DDI2: variants seen among roughly 807,000 people sequenced by gnomAD.
DDI2 encodes the protein protein DDI1 homolog 2.
Under a neutral mutation model 48.1 loss-of-function variants are expected in DDI2, and 5 were observed. The ratio of observed to expected loss-of-function variants is 0.10; its 90% CI spans 0.05 to 0.22. The LOEUF is 0.22. Among genes scored for constraint, DDI2 ranks in the 10% least tolerant of loss-of-function variants. The pLI, the probability that DDI2 is intolerant of heterozygous loss-of-function variation, is 1.00. For missense variants in DDI2, 285 were observed against 506.2 expected, an observed-to-expected ratio of 0.56 and a Z score of 4.19; for synonymous variants, 205 against 183.6, an observed-to-expected ratio of 1.12 and a Z score of -0.94.
chr1:15,626,930 C>T (rs1432808209), intron 2 of DDI2, 132 bp downstream of exon 2: 16 of 1,148,850 alleles, frequency 1.4e-5, no homozygotes, highest in Non-Finnish European at 1.8e-5. Context: ...TTTTCCCTGC[C>T]GTGTAACCTT....
At position 15,665,399 on chromosome 1, in the gene DDI2, C is replaced by T. The variant is rs563859279; in HGVS notation, c.*5609C>T. On this transcript the variant is annotated 3_prime_UTR_variant, in exon 10 of 10. Coordinates refer to ENST00000480945, the MANE Select transcript of DDI2 (RefSeq NM_032341.5). ...TGTCTTCATATGTACTAAAGGGAGA[C>T]ACAACCCTATGTGTTTTTTCCCAAA... The T allele has an allele frequency of 5.9e-5, 9 of 152,206 alleles. No individual in the cohort carries two copies. Among genetic ancestry groups the T allele is most frequent in the Admixed American group, 5.2e-4 (8 of 15,290 alleles). 9.4% of individuals were successfully genotyped at this position (152,206 alleles called of 1,614,324 possible). A position where few individuals can be genotyped will look rare whatever the true frequency, so the allele number is the denominator to read the frequency against.
At chr1:15,643,255 G>A (rs11809959) in intron 5 of DDI2, among the ~76,000 whole-genome samples, 2,361 of 152,292 alleles carry the variant, frequency 0.016, 59 homozygotes, top group African/African-American at 0.055. Context: ...CTTTCTACTG[G>A]TAAAGTCTTA....
At chr1:15,624,068 A>G (rs1458888175) in intron 1 of DDI2, among the ~76,000 whole-genome samples, 2 of 152,162 alleles carry the variant, frequency 1.3e-5, no homozygotes, top group Non-Finnish European at 2.9e-5. Flanking sequence ...AAATAAATAA[A>G]TAAATACCGT....
rs1571000479 is a variant in DDI2 at position 15,668,451 on chromosome 1, AT to A, written c.*8667del. ...AAATTCAATATATTGATTGAATTTT[AT>A]TTTTTCGCTTTGTATCTACAACAGA... On this transcript the variant is annotated 3_prime_UTR_variant, in exon 10 of 10. Transcript: ENST00000480945. The A allele has an allele frequency of 6.6e-6, 1 of 152,086 alleles. No homozygotes were observed. The highest frequency in any genetic ancestry group is 2.4e-5 in the African/African-American group (1 of 41,390). 9.4% of individuals were successfully genotyped at this position (152,086 alleles called of 1,614,324 possible). A position where few individuals can be genotyped will look rare whatever the true frequency, so the allele number is the denominator to read the frequency against.
chr1:15,619,643 A>G (rs1264809373), intron 1 of DDI2, among the ~76,000 whole-genome samples: 1 of 148,840 alleles, frequency 6.7e-6, no homozygotes, highest in East Asian at 2.0e-4. Flanking sequence ...TTGTATTTTT[A>G]GTAGAGAAGG....
Position 15,630,308 on chromosome 1 carries a change from T to C in DDI2, c.269-17T>C, listed in dbSNP as rs758544170. 3.7e-5 allele frequency: 60 copies of C among 1,612,506 alleles called. No homozygotes were observed. Among genetic ancestry groups the C allele is most frequent in the Middle Eastern group, 1.7e-4 (1 of 6,054 alleles). ...TGTAGAGTAATTTGAGTAAACTGAA[T>C]TGATTTTCCCCAACAGACTTACCCC... On this transcript the variant is annotated splice_polypyrimidine_tract_variant and intron_variant, in intron 2 of 9. Transcript: ENST00000480945.
intron 1 of DDI2, among the ~76,000 whole-genome samples, chr1:15,621,453 C>G (rs1421365383): frequency 6.6e-6 from 1 of 152,048 alleles, no homozygotes; most frequent in Non-Finnish European, 1.5e-5. Flanking sequence ...AGTGCGCTCA[C>G]AGGTCACTGT....
chr1:15,660,755 C>T lies in DDI2; in HGVS notation c.*965C>T, dbSNP rs1484150061. The T allele has an allele frequency of 6.2e-6, 10 of 1,613,638 alleles. No individual in the cohort carries two copies. The highest frequency in any genetic ancestry group is 7.6e-6 in the Non-Finnish European group (9 of 1,179,930). Reference sequence around the variant, plus strand: ...GAAGTAGAAACATCAAAATGTAACCCTTCATCTGAAATTTTGAATGATTCC... The same window carrying T: ...GAAGTAGAAACATCAAAATGTAACCTTTCATCTGAAATTTTGAATGATTCC... On this transcript the variant is annotated 3_prime_UTR_variant, in exon 10 of 10. Transcript: ENST00000480945.
chr1:15,628,300 T>C (rs1306050226), intron 2 of DDI2, among the ~76,000 whole-genome samples: 1 of 152,192 alleles, frequency 6.6e-6, no homozygotes, highest in Non-Finnish European at 1.5e-5. Context: ...TCCTCTTCAC[T>C]TCACCATTTC....
chr1:15,635,524 G>T (rs930358436), intron 4 of DDI2, among the ~76,000 whole-genome samples: 2 of 152,134 alleles, frequency 1.3e-5, no homozygotes, highest in African/African-American at 4.8e-5. Context: ...TCCTGCCTCA[G>T]CCTTCTGAGT....
chr1:15,667,588 A>G lies in DDI2; in HGVS notation c.*7798A>G, dbSNP rs1039764133. 6.6e-6 allele frequency: 1 copy of G among 152,276 alleles called. No homozygotes were observed. Among genetic ancestry groups the G allele is most frequent in the East Asian group, 1.9e-4 (1 of 5,206 alleles). 9.4% of individuals were successfully genotyped at this position (152,276 alleles called of 1,614,324 possible). ...TGAAAACGGGAATCTAGAGCAGAACATGTAATCAGCGATGGCTGGGATTGG... is the reference window on the plus strand; with the variant it reads ...TGAAAACGGGAATCTAGAGCAGAACGTGTAATCAGCGATGGCTGGGATTGG... On this transcript the variant is annotated 3_prime_UTR_variant, in exon 10 of 10. Transcript: ENST00000480945.
At chr1:15,629,246 A>G (rs1014676025) in intron 2 of DDI2, among the ~76,000 whole-genome samples, 1 of 152,208 alleles carries the variant, frequency 6.6e-6, no homozygotes, top group Admixed American at 6.5e-5. Flanking sequence ...TACGTTTAGC[A>G]CTGACTTGCA....
chr1:15,656,014 T>G (rs1163804070), intron 8 of DDI2, among the ~76,000 whole-genome samples: 3 of 152,142 alleles, frequency 2.0e-5, no homozygotes, highest in Non-Finnish European at 4.4e-5. Flanking sequence ...AAAAACATGT[T>G]TTTGATAGTA....
chr1:15,617,632 G>A lies in DDI2; in HGVS notation c.-39G>A. 4 of 1,330,526 alleles carry A rather than the reference G, an allele frequency of 3.0e-6. No homozygotes were observed. The highest frequency in any genetic ancestry group is 3.9e-6 in the Non-Finnish European group (4 of 1,029,620). 82.4% of individuals were successfully genotyped at this position (1,330,526 alleles called of 1,614,324 possible). A position where few individuals can be genotyped will look rare whatever the true frequency, so the allele number is the denominator to read the frequency against. Reference sequence around the variant, plus strand: ...CTCTTCCCCTGCGCCCCGCGCCCAGGCCGGGCCGAGCCGAGCCGAGCCGGG... The same window carrying A: ...CTCTTCCCCTGCGCCCCGCGCCCAGACCGGGCCGAGCCGAGCCGAGCCGGG... On this transcript the variant is annotated 5_prime_UTR_variant, in exon 1 of 10. Coordinates refer to ENST00000480945, the MANE Select transcript of DDI2 (RefSeq NM_032341.5).
At chr1:15,633,199 G>C (rs1156311575) in intron 3 of DDI2, among the ~76,000 whole-genome samples, 1 of 152,098 alleles carries the variant, frequency 6.6e-6, no homozygotes, top group African/African-American at 2.4e-5. Context: ...AAAGTGTCGA[G>C]ATTATAGGCA....
At chr1:15,621,187 TCAAA>T (rs1239011869) in intron 1 of DDI2, among the ~76,000 whole-genome samples, 2 of 152,158 alleles carry the variant, frequency 1.3e-5, no homozygotes, top group East Asian at 1.9e-4. Flanking sequence ...TGGGTGAACT[TCAAA>T]CAGTTATCAG....
intron 1 of DDI2, among the ~76,000 whole-genome samples, chr1:15,624,609 A>G (rs1639723006): frequency 6.6e-6 from 1 of 152,094 alleles, no homozygotes; most frequent in Non-Finnish European, 1.5e-5. Context: ...CTGAGACTAC[A>G]GTCACATGCT....
At chr1:15,633,663 T>A in intron 4 of DDI2, 98 bp downstream of exon 4, 1 of 1,561,168 alleles carries the variant, frequency 6.4e-7, no homozygotes, top group Non-Finnish European at 8.7e-7. Flanking sequence ...TGGAGGTAGC[T>A]TCTCTGTTTT....
chr1:15,620,101 C>T (rs1302464498), intron 1 of DDI2, among the ~76,000 whole-genome samples: 1 of 152,140 alleles, frequency 6.6e-6, no homozygotes, highest in African/African-American at 2.4e-5. Flanking sequence ...ATTTCTTGTT[C>T]ATTATGTCAA....
Sources: allele counts gnomAD v4.1 joint callset (sites outside exome capture counted in the v4.1 genomes callset), GRCh38; gene constraint gnomAD v4.1.1; transcripts MANE v1.5; gene names NCBI Gene and HGNC (gene_info 2026-07-23, HGNC 2026-07-21).